Variants in DOCK3 observed in about 807,000 individuals in gnomAD.
DOCK3 encodes dedicator of cytokinesis protein 3.
A neutral mutation model predicts 265.6 loss-of-function variants in DOCK3; 60 were observed. The observed-to-expected ratio is 0.23, with a 90% CI of 0.18 to 0.28. DOCK3 has a LOEUF of 0.28. Ranked by LOEUF, DOCK3 falls within the 10% of genes least tolerant of loss-of-function variation. The probability of loss-of-function intolerance (pLI) is 1.00; values close to 1 mark genes in which losing one functional copy is unlikely to be tolerated. For missense variants in DOCK3, 1,981 were observed against 2,594.3 expected (o/e 0.76, Z 5.14); for synonymous variants, 881 against 938.0 (o/e 0.94, Z 1.11).
chr3:50,917,242 G>A (rs2050176651), intron 4 of DOCK3, among the ~76,000 whole-genome samples: 1 of 152,028 alleles, frequency 6.6e-6, no homozygotes, highest in Non-Finnish European at 1.5e-5. Flanking sequence ...GAAAGTTAAT[G>A]TAGAGATTAA....
At chr3:50,702,523 C>T (rs997995516) in intron 1 of DOCK3, among the ~76,000 whole-genome samples, 3 of 151,956 alleles carry the variant, frequency 2.0e-5, no homozygotes, top group African/African-American at 7.3e-5. Context: ...ATCACCACAC[C>T]CAGCTAATTT....
Position 51,160,688 on chromosome 3 carries a change from T to C in DOCK3, c.1023T>C (p.Val341=), listed in dbSNP as rs145317201. 6 of 1,612,284 alleles carry C rather than the reference T, an allele frequency of 3.7e-6. No homozygotes were observed. The African/African-American group carries it at 8.0e-5, about 21-fold the overall frequency. Residue 341 remains valine (V), a synonymous_variant, in exon 12 of 53, where the codon GTT becomes GTC. Coordinates refer to ENST00000266037, the MANE Select transcript of DOCK3 (RefSeq NM_004947.5). The part of the protein sequence containing the change: ...LTEVKEEKDF[V]LKVYTCNNES... ...AAGTAAAGGAAGAAAAGGATTTTGT[T>C]CTTAAGGTTTACACGTGAGTAATGG...
At chr3:50,968,067 G>A (rs1355438193) in intron 5 of DOCK3, among the ~76,000 whole-genome samples, 1 of 152,174 alleles carries the variant, frequency 6.6e-6, no homozygotes, top group East Asian at 1.9e-4. Flanking sequence ...TTCTAACTGA[G>A]GAGAGATGAT....
At chr3:50,810,403 T>C (rs1481462656) in intron 2 of DOCK3, among the ~76,000 whole-genome samples, 3 of 151,968 alleles carry the variant, frequency 2.0e-5, no homozygotes, top group Admixed American at 1.3e-4. Flanking sequence ...ACACAAAAAT[T>C]AGCTGGGCGT....
intron 5 of DOCK3, among the ~76,000 whole-genome samples, chr3:51,009,528 C>G (rs1380366232): frequency 6.6e-6 from 1 of 152,054 alleles, no homozygotes; most frequent in Non-Finnish European, 1.5e-5. Context: ...ATTATTCTTG[C>G]TAGCAGTCTA....
At chr3:51,305,433 A>G (rs1039254372) in intron 27 of DOCK3, among the ~76,000 whole-genome samples, 1 of 152,084 alleles carries the variant, frequency 6.6e-6, no homozygotes, top group African/African-American at 2.4e-5. Context: ...TTTTACTTTC[A>G]ATGTATTTGT....
At chr3:51,118,480 G>A (rs2083854859) in intron 9 of DOCK3, among the ~76,000 whole-genome samples, 1 of 152,112 alleles carries the variant, frequency 6.6e-6, no homozygotes, top group African/African-American at 2.4e-5. Context: ...AGGTTTGCTT[G>A]GTCCAGAGCT....
At chr3:50,778,570 A>G (rs2041739391) in intron 1 of DOCK3, 105 bp from the exon 2 acceptor site, 1 of 703,224 alleles carries the variant, frequency 1.4e-6, no homozygotes, top group Non-Finnish European at 2.4e-6. Flanking sequence ...ATTAGTAAAG[A>G]AGGGAAGGTA....
At chr3:50,987,314 T>C (rs1375812445) in intron 5 of DOCK3, among the ~76,000 whole-genome samples, 1 of 152,248 alleles carries the variant, frequency 6.6e-6, no homozygotes, top group Non-Finnish European at 1.5e-5. Flanking sequence ...TACATTTTAT[T>C]TTAATGTATT....
At chr3:50,931,977 C>T (rs951167577) in intron 4 of DOCK3, among the ~76,000 whole-genome samples, 9 of 152,136 alleles carry the variant, frequency 5.9e-5, no homozygotes, top group African/African-American at 2.2e-4. Context: ...CTGCTGGATT[C>T]CTAGACTCCC....
intron 3 of DOCK3, among the ~76,000 whole-genome samples, chr3:50,866,509 C>G (rs1249078915): frequency 6.6e-6 from 1 of 150,872 alleles, no homozygotes; most frequent in Non-Finnish European, 1.5e-5. Flanking sequence ...AAAGCTTTGA[C>G]CAGACCAATG....
chr3:51,063,145 G>A (rs1472341524), intron 5 of DOCK3, among the ~76,000 whole-genome samples: 1 of 152,096 alleles, frequency 6.6e-6, no homozygotes. Flanking sequence ...CACTTTAGGG[G>A]GCTGAAGCAA....
intron 26 of DOCK3, chr3:51,278,322 G>A (rs1213176749): frequency 1.0e-6 from 1 of 985,226 alleles, no homozygotes; most frequent in African/African-American, 1.7e-5. Flanking sequence ...TCTCAGGAGG[G>A]GCAGAGAGAC....
intron 1 of DOCK3, among the ~76,000 whole-genome samples, chr3:50,768,898 T>G (rs1337045814): frequency 6.6e-6 from 1 of 152,200 alleles, no homozygotes; most frequent in Non-Finnish European, 1.5e-5. Context: ...TCCTTTCTCT[T>G]CACATTCTCA....
intron 9 of DOCK3, among the ~76,000 whole-genome samples, chr3:51,097,734 T>G (rs2082914954): frequency 6.6e-6 from 1 of 152,158 alleles, no homozygotes; most frequent in African/African-American, 2.4e-5. Flanking sequence ...TCCAGGGCCC[T>G]GGTGGCGTAG....
rs139929957 is a variant in DOCK3, at chr3:51,187,645, G to A, written c.1038-21129G>A. Reference sequence around the variant, plus strand: ...TTCCCACATATTGTGGGAGGGACCCGGTGGGAGATGATTGAATCATGGGGG... The same window carrying A: ...TTCCCACATATTGTGGGAGGGACCCAGTGGGAGATGATTGAATCATGGGGG... On this transcript the variant is annotated intron_variant, in intron 12 of 52. Coordinates refer to ENST00000266037, the MANE Select transcript of DOCK3 (RefSeq NM_004947.5). 7.2e-4 allele frequency among the ~76,000 whole-genome samples: 110 copies of A among 152,146 alleles called. 1 individual carries two copies. The highest frequency in any genetic ancestry group is 6.4e-3 in the East Asian group (33 of 5,178).
intron 27 of DOCK3, among the ~76,000 whole-genome samples, chr3:51,286,768 G>A (rs138833359): frequency 9.8e-5 from 15 of 152,328 alleles, no homozygotes; most frequent in Admixed American, 2.6e-4. Flanking sequence ...CTAGCCATAT[G>A]CAGATTGAAA....
chr3:50,692,699 G>A (rs1222576401), intron 1 of DOCK3, among the ~76,000 whole-genome samples: 6 of 152,174 alleles, frequency 3.9e-5, no homozygotes, highest in Non-Finnish European at 4.4e-5. Context: ...TCACTGTGTT[G>A]ATGGTGTCCT....
chr3:51,079,074 C>T (rs1295475389), intron 7 of DOCK3, among the ~76,000 whole-genome samples: 1 of 152,040 alleles, frequency 6.6e-6, no homozygotes, highest in East Asian at 1.9e-4. Context: ...AAAAGAATAT[C>T]CTTTTAGATT....
Sources: allele counts gnomAD v4.1 joint callset (sites outside exome capture counted in the v4.1 genomes callset), GRCh38; gene constraint gnomAD v4.1.1; transcripts MANE v1.5; gene names NCBI Gene and HGNC (gene_info 2026-07-23, HGNC 2026-07-21).